WNK3: variants seen among roughly 807,000 people sequenced by gnomAD.
WNK3 encodes the protein WNK lysine deficient protein kinase 3.
Under a neutral mutation model 116.7 loss-of-function variants are expected in WNK3, and 18 were observed. The ratio of observed to expected loss-of-function variants is 0.15; its 90% CI spans 0.11 to 0.23. WNK3 has a LOEUF of 0.23. Among genes scored for constraint, WNK3 ranks in the 10% least tolerant of loss-of-function variants. The probability of loss-of-function intolerance (pLI) is 1.00; values close to 1 mark genes in which losing one functional copy is unlikely to be tolerated. For synonymous variants in WNK3, 404 were observed against 469.4 expected, an observed-to-expected ratio of 0.86 and a Z score of 1.80; for missense variants, 993 against 1,323.8, an observed-to-expected ratio of 0.75 and a Z score of 3.88.
rs1454489624 is a variant in WNK3 at position 54,243,260 on chromosome X, C to CA, written c.3652-4162dup. ...GAAACCCCTGTCTCTACTAAAAATA[C>CA]AAAAAAAAAAATTAGCCGGGCGCAG... On this transcript the variant is annotated intron_variant, in intron 17 of 23. Transcript: ENST00000354646. Among the ~76,000 whole-genome samples, 247 of 99,860 alleles carry CA rather than the reference C, an allele frequency of 2.5e-3. No individual in the cohort carries two copies. In the Middle Eastern group the frequency reaches 0.025, roughly 10 times the overall value. The allele number at this position is 99,860 out of a possible 115,157, so 86.7% of individuals were successfully genotyped here.
At chrX:54,352,213 G>A (rs1286468056) in intron 1 of WNK3, among the ~76,000 whole-genome samples, 1 of 111,281 alleles carries the variant, frequency 9.0e-6, no homozygotes, top group Non-Finnish European at 1.9e-5. Flanking sequence ...CATTATGATG[G>A]CTATTTAGAA....
At chrX:54,208,781 A>T (rs1190410288) in intron 22 of WNK3, among the ~76,000 whole-genome samples, 2 of 112,242 alleles carry the variant, frequency 1.8e-5, no homozygotes, top group Admixed American at 9.5e-5. Flanking sequence ...TTCATAGCTA[A>T]GGTTTATTAC....
chrX:54,275,412 C>CGTGTGT lies in WNK3; in HGVS notation c.2038-16075_2038-16074insACACAC, dbSNP rs1569537519. ...TGTCGGTATCTGTAGGGTATAAGTT[C>CGTGTGT]ATATGTGTGTGTGTGTGTGTGTGTG... On this transcript the variant is annotated intron_variant, in intron 10 of 23. Coordinates refer to ENST00000354646, the Ensembl canonical transcript of WNK3. Among the ~76,000 whole-genome samples the CGTGTGT allele has an allele frequency of 1.1e-3, 49 of 44,435 alleles. 1 individual carries two copies. Among genetic ancestry groups the CGTGTGT allele is most frequent in the African/African-American group, 4.2e-3 (46 of 10,993 alleles). 38.6% of individuals were successfully genotyped at this position (44,435 alleles called of 115,157 possible).
Position 54,276,603 on chromosome X carries a change from G to C in WNK3, c.2037+16285C>G, listed in dbSNP as rs1173747529. Among the ~76,000 whole-genome samples the C allele has an allele frequency of 2.7e-5, 3 of 110,803 alleles. No individual in the cohort carries two copies. In the East Asian group the frequency reaches 8.4e-4, roughly 31 times the overall value. ...ATGAGTTTATTCCAAGGACATGAAG[G>C]CTGTTTCGATATTTGAAATCCATGT... On this transcript the variant is annotated intron_variant, in intron 10 of 23. Coordinates refer to ENST00000354646, the Ensembl canonical transcript of WNK3.
At chrX:54,277,139 C>T (rs782656659) in intron 10 of WNK3, among the ~76,000 whole-genome samples, 38 of 110,732 alleles carry the variant, frequency 3.4e-4, no homozygotes, top group Admixed American at 1.2e-3. Context: ...AAGACTTGTC[C>T]CCCCTAAGAC....
At chrX:54,227,220 T>C (rs1190332193) in intron 22 of WNK3, among the ~76,000 whole-genome samples, 1 of 111,743 alleles carries the variant, frequency 8.9e-6, no homozygotes, top group African/African-American at 3.3e-5. Flanking sequence ...TTTCTTTTTT[T>C]CGCCTCATAT....
At chrX:54,297,906 T>C (rs1161966017) in intron 7 of WNK3, among the ~76,000 whole-genome samples, 3 of 110,268 alleles carry the variant, frequency 2.7e-5, no homozygotes, top group South Asian at 3.9e-4. Context: ...ATCCCGTCTC[T>C]AGTAAAAATA....
intron 17 of WNK3, 105 bp from the exon 18 acceptor site, chrX:54,239,204 A>T (rs1388480405): frequency 1.8e-3 from 442 of 247,666 alleles, no homozygotes; most frequent in Non-Finnish European, 2.3e-3. Context: ...TGAAGCTTTT[A>T]AAAAAAAAAA....
rs200080539 is a variant in WNK3 at position 54,238,873 on chromosome X, C to T, written c.3878G>A (p.Arg1293His). 8.6e-6 allele frequency: 10 copies of T among 1,167,086 alleles called. No individual in the cohort carries two copies. The South Asian group carries it at 1.0e-4, about 12-fold the overall frequency. Residue 1293 changes from arginine (R) to histidine (H), a missense_variant, in exon 18 of 24, where the codon CGT (arginine) becomes CAT (histidine). Physicochemically the swap from Arg to His is conservative, Grantham distance 29. Coordinates refer to ENST00000354646, the Ensembl canonical transcript of WNK3. ...CCTGACTGTAAGCACACTACCTTGA[C>T]GGACTTTTGATCTCTTGAAAAAGCT...
At chrX:54,337,237 AT>A (rs1458315310) in intron 1 of WNK3, among the ~76,000 whole-genome samples, 2 of 111,329 alleles carry the variant, frequency 1.8e-5, no homozygotes. Context: ...AGCCTTCAAA[AT>A]TTTTTTTACT....
intron 22 of WNK3, among the ~76,000 whole-genome samples, chrX:54,203,464 G>A (rs1218222077): frequency 1.8e-5 from 2 of 111,462 alleles, no homozygotes; most frequent in African/African-American, 6.5e-5. Flanking sequence ...CATGTGTTAT[G>A]GTACTTCTTT....
chrX:54,278,353 G>A (rs1421974485), intron 10 of WNK3, among the ~76,000 whole-genome samples: 4 of 108,888 alleles, frequency 3.7e-5, no homozygotes, highest in Non-Finnish European at 5.7e-5. Context: ...TCCCAGCAAG[G>A]TTTTCTGTGG....
At chrX:54,276,530 G>A (rs2068450338) in intron 10 of WNK3, among the ~76,000 whole-genome samples, 1 of 110,782 alleles carries the variant, frequency 9.0e-6, no homozygotes, top group Admixed American at 9.7e-5. Flanking sequence ...CAAAGTATTA[G>A]TAAAGTGAAT....
intron 10 of WNK3, 85 bp from the exon 11 acceptor site, chrX:54,259,423 GAT>G: frequency 3.7e-6 from 2 of 533,440 alleles, no homozygotes; most frequent in Non-Finnish European, 5.7e-6. Context: ...CAGAAAACAC[GAT>G]AGTTTTGGTT....
chrX:54,282,998 G>T (rs1329290711), intron 10 of WNK3, among the ~76,000 whole-genome samples: 1 of 112,009 alleles, frequency 8.9e-6, no homozygotes, highest in Non-Finnish European at 1.9e-5. Context: ...AAAAAATTAT[G>T]CCACAAAGGA....
chrX:54,251,301 A>T, intron 15 of WNK3, 98 bp downstream of exon 15: 1 of 584,130 alleles, frequency 1.7e-6, no homozygotes, highest in Non-Finnish European at 2.7e-6. Flanking sequence ...TTACCAAATT[A>T]ATTTATTGGC....
chrX:54,294,869 C>G, intron 7 of WNK3, 22 bp from the exon 8 acceptor site: 5 of 1,124,938 alleles, frequency 4.4e-6, no homozygotes, highest in Non-Finnish European at 5.9e-6. Context: ...ACATAATAAG[C>G]AAACTACTTC....
chrX:54,259,142 G>A (rs1000196185), intron 11 of WNK3, 132 bp downstream of exon 11: 27 of 244,180 alleles, frequency 1.1e-4, no homozygotes, highest in Middle Eastern at 1.3e-3. Flanking sequence ...AAAAACTATC[G>A]TCTTTATTAA....
rs782438340 is a variant in WNK3 at position 54,269,546 on chromosome X, A to T, written c.2038-10208T>A. Among the ~76,000 whole-genome samples the T allele has an allele frequency of 5.1e-3, 572 of 111,631 alleles. 2 individuals are homozygous for T. The highest frequency in any genetic ancestry group is 7.5e-3 in the Non-Finnish European group (398 of 53,116). ...TGGCTAAAACTACCCTTATTCTGTG[A>T]CCTAACAATCCCATTCCTAAGTATA... On this transcript the variant is annotated intron_variant, in intron 10 of 23. Transcript: ENST00000354646.
Sources: allele counts gnomAD v4.1 joint callset (sites outside exome capture counted in the v4.1 genomes callset), GRCh38; gene constraint gnomAD v4.1.1; transcripts MANE v1.5; gene names NCBI Gene and HGNC (gene_info 2026-07-23, HGNC 2026-07-21).